Variants in RBM4 observed in about 807,000 individuals in gnomAD.
The protein encoded by RBM4 is RNA-binding protein 4.
In RBM4, 7 loss-of-function variants were observed where a neutral mutation model predicts 29.5. The ratio of observed to expected loss-of-function variants is 0.24; its 90% confidence interval spans 0.14 to 0.45. The LOEUF (loss-of-function observed/expected upper bound fraction) is 0.45, where lower values mean the gene tolerates loss of function less well. RBM4 is among the 20% of genes least tolerant of loss of function. The pLI is 1.00. For synonymous variants in RBM4, 220 were observed against 205.4 expected, an observed-to-expected ratio of 1.07 and a Z score of -0.61; for missense variants, 387 against 502.3, an observed-to-expected ratio of 0.77 and a Z score of 2.19.
chr11:66,640,711 A>C (rs1400520131), intron 2 of RBM4: 2 of 153,648 alleles, frequency 1.3e-5, no homozygotes, highest in Non-Finnish European at 2.9e-5. Flanking sequence ...GGGAGGAGGC[A>C]CTGGGGTTTT....
chr11:66,667,225 C>T (rs1261560705), exon 3 of RBM4: 1 of 152,150 alleles, frequency 6.6e-6, no homozygotes, highest in Non-Finnish European at 1.5e-5. Context: ...ATGCCATTTC[C>T]ACTCAGATGA....
intron 2 of RBM4, among the ~76,000 whole-genome samples, chr11:66,660,955 G>A (rs1565088320): frequency 6.6e-6 from 1 of 152,118 alleles, no homozygotes; most frequent in Non-Finnish European, 1.5e-5. Context: ...GCGCTCAGCC[G>A]TGCCCGGCCT....
At position 66,639,962 on chromosome 11, in the gene RBM4, A is replaced by G. The variant is rs778340617; in HGVS notation, c.251A>G (p.Asn84Ser). The G allele has an allele frequency of 1.1e-5, 17 of 1,614,228 alleles. No homozygotes were observed. Among genetic ancestry groups the G allele is most frequent in the Non-Finnish European group, 8.5e-7 (1 of 1,180,048 alleles). The change falls in exon 2 of 4, where the codon AAC becomes AGC. Residue 84 changes from asparagine to serine, a missense_variant. Physicochemically the swap from Asn to Ser is conservative, Grantham distance 46. Coordinates refer to ENST00000310092, the MANE Select transcript of RBM4 (RefSeq NM_002896.4). ...ACCTCAACAAAGTTGCATGTGGGCA[A>G]CATCAGTCCCACCTGCACCAATAAG... is the stretch of plus-strand genomic sequence containing the variant. Reference protein sequence around the residue: ...SKTSTKLHVGNISPTCTNKEL... With the variant: ...SKTSTKLHVGSISPTCTNKEL...
At chr11:66,655,233 G>A (rs1590871576) in intron 2 of RBM4, among the ~76,000 whole-genome samples, 1 of 151,966 alleles carries the variant, frequency 6.6e-6, no homozygotes, top group Non-Finnish European at 1.5e-5. Context: ...TGATCCACCC[G>A]CTTTGGCCTC....
downstream of RBM4, among the ~76,000 whole-genome samples, chr11:66,648,294 G>A (rs1009485049): frequency 3.3e-5 from 5 of 152,140 alleles, no homozygotes; most frequent in Non-Finnish European, 7.3e-5. Flanking sequence ...GCTGAGGCAA[G>A]CAGGTTGTTT....
chr11:66,662,197 T>A (rs1939096424), intron 2 of RBM4, among the ~76,000 whole-genome samples: 1 of 152,220 alleles, frequency 6.6e-6, no homozygotes, highest in Non-Finnish European at 1.5e-5. Context: ...ATGTAGCTAA[T>A]TATAATTAAA....
chr11:66,668,297 A>AT, exon 3 of RBM4: 3 of 261,258 alleles, frequency 1.1e-5, no homozygotes, highest in South Asian at 8.0e-5. Flanking sequence ...TACAGAGGGC[A>AT]CATAACAAAT....
At chr11:66,660,121 C>G (rs1939045402) in intron 2 of RBM4, among the ~76,000 whole-genome samples, 1 of 148,210 alleles carries the variant, frequency 6.7e-6, no homozygotes, top group Non-Finnish European at 1.5e-5. Flanking sequence ...TCTTTCCTGC[C>G]TCAGGGCCTT....
exon 3 of RBM4, chr11:66,667,049 G>A (rs1438052520): frequency 6.6e-6 from 1 of 152,046 alleles, no homozygotes; most frequent in Non-Finnish European, 1.5e-5. Context: ...ACAGGCACAA[G>A]CCACTGTACA....
chr11:66,666,291 T>C, exon 3 of RBM4: 1 of 1,085,684 alleles, frequency 9.2e-7, no homozygotes, highest in Non-Finnish European at 1.1e-6. Context: ...CTCTACTTAT[T>C]ACAGACAAAG....
At position 66,643,697 on chromosome 11, in the gene RBM4, C is replaced by G. The variant is rs753002794; in HGVS notation, c.660C>G (p.Ala220=). The part of the protein sequence containing the change: ...YYNNAYGALD[A]YYKRCRAARS... ...ACAACGCGTACGGAGCGCTCGATGC[C>G]TACTACAAGCGCTGCCGTGCTGCCC... The change falls in exon 3 of 4, where the codon GCC becomes GCG. Residue 220 remains alanine, a synonymous_variant. Coordinates refer to ENST00000310092, the MANE Select transcript of RBM4 (RefSeq NM_002896.4). The surrounding 1 kb of genome is among the most constrained non-coding windows in gnomAD (Gnocchi z 6.1). 26 of 1,614,056 alleles carry G rather than the reference C, an allele frequency of 1.6e-5. No individual in the cohort carries two copies. The highest frequency in any genetic ancestry group is 5.9e-6 in the Non-Finnish European group (7 of 1,180,032).
intron 2 of RBM4, among the ~76,000 whole-genome samples, chr11:66,656,156 A>G (rs1461214435): frequency 6.7e-6 from 1 of 150,034 alleles, no homozygotes; most frequent in Non-Finnish European, 1.5e-5. Context: ...TTTTTTTTTT[A>G]GGCGGAGTCT....
chr11:66,645,979 G>A, intron 3 of RBM4, 48 bp from the exon 4 acceptor site: 5 of 1,535,882 alleles, frequency 3.3e-6, no homozygotes, highest in Non-Finnish European at 4.4e-6. Context: ...AAATGGGAAA[G>A]CCCTTTTGAG....
chr11:66,641,243 T>C (rs1463614860), intron 2 of RBM4: 1 of 152,256 alleles, frequency 6.6e-6, no homozygotes, highest in African/African-American at 2.4e-5. Context: ...GTTCTGACAG[T>C]GTAGTTTGCC....
At chr11:66,662,303 A>G (rs1939098604) in intron 2 of RBM4, among the ~76,000 whole-genome samples, 1 of 152,250 alleles carries the variant, frequency 6.6e-6, no homozygotes, top group African/African-American at 2.4e-5. Flanking sequence ...GAACACTTCC[A>G]TCACTGCCAG....
chr11:66,642,876 C>T (rs1938529220), intron 2 of RBM4, among the ~76,000 whole-genome samples: 1 of 152,228 alleles, frequency 6.6e-6, no homozygotes. Context: ...TTGTGCCCCT[C>T]TGTCTCCCCA....
At chr11:66,662,537 G>A (rs917709558) in intron 2 of RBM4, among the ~76,000 whole-genome samples, 11 of 152,052 alleles carry the variant, frequency 7.2e-5, no homozygotes, top group Admixed American at 6.6e-5. Flanking sequence ...TAGTAGCTGG[G>A]ATTACAGGTG....
At chr11:66,649,622 C>T, downstream of RBM4, 1 of 612,368 alleles carries the variant, frequency 1.6e-6, no homozygotes, top group Non-Finnish European at 2.9e-6. Flanking sequence ...TTTATGCTTC[C>T]AATCAAGTGT....
At chr11:66,649,786 A>G (rs778531771), downstream of RBM4, 2 of 701,156 alleles carry the variant, frequency 2.9e-6, no homozygotes, top group South Asian at 1.5e-5. Flanking sequence ...ATTGTAGCTC[A>G]CTGTAACTTT....
Sources: gnomAD v4.1 joint callset for allele counts (sites outside exome capture counted in the v4.1 genomes callset) on GRCh38, gnomAD v4.1.1 for gene constraint, Gnocchi (gnomAD v3.1) non-coding constraint, MANE v1.5 for transcripts, NCBI Gene and HGNC (gene_info 2026-07-23, HGNC 2026-07-21) for gene names.